The following TNPO1 variants were observed in gnomAD, a reference collection of about 807,000 sequenced individuals.
TNPO1 encodes transportin 1.
A neutral mutation model predicts 119.5 loss-of-function variants in TNPO1; 8 were observed. The observed-to-expected ratio is 0.07, with a 90% CI of 0.04 to 0.12. The LOEUF is 0.12. TNPO1 is among the 10% of genes least tolerant of loss of function. The pLI is 1.00. For synonymous variants in TNPO1, 362 were observed against 363.0 expected (o/e 1.00, Z 0.03); for missense variants, 576 against 1,089.8 (o/e 0.53, Z 6.64).
At chr5:72,897,765 T>G (rs1282137656) in intron 20 of TNPO1, among the ~76,000 whole-genome samples, 1 of 152,012 alleles carries the variant, frequency 6.6e-6, no homozygotes, top group East Asian at 1.9e-4. Flanking sequence ...CCTCCCTGAT[T>G]GCTGCTAACA....
chr5:72,906,560 G>C (rs1015936964), intron 24 of TNPO1, among the ~76,000 whole-genome samples: 1 of 152,036 alleles, frequency 6.6e-6, no homozygotes, highest in African/African-American at 2.4e-5. Context: ...AAAGTGCTGG[G>C]ATTTACAGGC....
intron 24 of TNPO1, 158 bp downstream of exon 24, chr5:72,905,603 T>G (rs1329941800): frequency 2.6e-6 from 1 of 385,760 alleles, no homozygotes; most frequent in East Asian, 4.3e-5. Context: ...AATTTAAAAT[T>G]ACTTAAGTGG....
chr5:72,882,395 G>A (rs1320566043), intron 9 of TNPO1, 72 bp from the exon 10 acceptor site: 2 of 1,152,004 alleles, frequency 1.7e-6, no homozygotes, highest in Non-Finnish European at 2.5e-6. Flanking sequence ...ATTAGTACAT[G>A]TAAGGTTAAG....
At chr5:72,858,915 AT>A (rs1746213967) in intron 4 of TNPO1, among the ~76,000 whole-genome samples, 1 of 144,474 alleles carries the variant, frequency 6.9e-6, no homozygotes, top group South Asian at 2.2e-4. Context: ...TTGATGAGTT[AT>A]TTAAACACAT....
At chr5:72,892,989 G>T in intron 15 of TNPO1, 150 bp from the exon 16 acceptor site, 1 of 537,728 alleles carries the variant, frequency 1.9e-6, no homozygotes, top group South Asian at 2.1e-5. Context: ...CAAAAGAGAG[G>T]GTTGGGGTGG....
chr5:72,858,474 GGTGGT>G (rs1453594393), intron 4 of TNPO1, among the ~76,000 whole-genome samples: 1 of 152,142 alleles, frequency 6.6e-6, no homozygotes, highest in Non-Finnish European at 1.5e-5. Context: ...TATTAGTGAA[GGTGGT>G]GGAAAGTATG....
intron 1 of TNPO1, 133 bp from the exon 2 acceptor site, chr5:72,848,252 G>A: frequency 7.7e-7 from 1 of 1,303,126 alleles, no homozygotes; most frequent in African/African-American, 1.5e-5. Flanking sequence ...CCTCAGGCAG[G>A]TCCGCGGCGT....
At position 72,877,159 on chromosome 5, in the gene TNPO1, A is replaced by G. The variant is rs539370003; in HGVS notation, c.802-69A>G. ...CCATAAGGTCAAAAGCTTGCTTGATAATAGGACTGAATTGATACTAATGGT... is the reference window on the plus strand; with the variant it reads ...CCATAAGGTCAAAAGCTTGCTTGATGATAGGACTGAATTGATACTAATGGT... On this transcript the variant is annotated intron_variant, in intron 8 of 24. Coordinates refer to ENST00000337273, the MANE Select transcript of TNPO1 (RefSeq NM_002270.4). 1.3e-5 allele frequency: 10 copies of G among 792,046 alleles called. No individual in the cohort carries two copies. The South Asian group carries it at 2.3e-4, about 18-fold the overall frequency. The allele number at this position is 792,046 out of a possible 1,614,324, so 49.1% of individuals were successfully genotyped here. A position where few individuals can be genotyped will look rare whatever the true frequency, so the allele number is the denominator to read the frequency against.
chr5:72,888,329 T>G, intron 13 of TNPO1, 26 bp downstream of exon 13: 2 of 1,592,192 alleles, frequency 1.3e-6, no homozygotes, highest in Non-Finnish European at 1.7e-6. Flanking sequence ...AACACAGTGT[T>G]CTTTGTGGCA....
intron 1 of TNPO1, among the ~76,000 whole-genome samples, chr5:72,823,422 C>T (rs982295366): frequency 6.6e-6 from 1 of 152,180 alleles, no homozygotes; most frequent in Non-Finnish European, 1.5e-5. Context: ...ACTCATTCCA[C>T]AGTGATACCC....
intron 3 of TNPO1, among the ~76,000 whole-genome samples, chr5:72,851,549 G>A (rs1745561348): frequency 1.3e-5 from 2 of 152,168 alleles, no homozygotes; most frequent in Non-Finnish European, 2.9e-5. Context: ...CTGGAGTGCA[G>A]TGGTGCGATC....
intron 20 of TNPO1, among the ~76,000 whole-genome samples, chr5:72,899,667 T>G (rs555457827): frequency 6.6e-6 from 1 of 152,306 alleles, no homozygotes; most frequent in South Asian, 2.1e-4. Flanking sequence ...ATTTGTCCAT[T>G]TAACTGCTCA....
intron 1 of TNPO1, among the ~76,000 whole-genome samples, chr5:72,825,382 T>C (rs1744157533): frequency 6.6e-6 from 1 of 152,100 alleles, no homozygotes; most frequent in Admixed American, 6.5e-5. Flanking sequence ...ATGAATAGGA[T>C]TGGTGCCCTT....
intron 4 of TNPO1, among the ~76,000 whole-genome samples, chr5:72,860,386 G>A (rs1746347303): frequency 6.6e-6 from 1 of 152,134 alleles, no homozygotes; most frequent in African/African-American, 2.4e-5. Flanking sequence ...TAATCACTAA[G>A]CATATTATAT....
intron 14 of TNPO1, 128 bp from the exon 15 acceptor site, chr5:72,891,682 A>T (rs962838554): frequency 3.0e-6 from 2 of 658,982 alleles, no homozygotes; most frequent in Non-Finnish European, 5.3e-6. Context: ...GTGAAGAATG[A>T]CTCTTAAAAT....
chr5:72,848,223 C>T, intron 1 of TNPO1, 162 bp from the exon 2 acceptor site: 2 of 1,254,402 alleles, frequency 1.6e-6, no homozygotes, highest in Non-Finnish European at 2.0e-6. Flanking sequence ...TTTCACTGTC[C>T]GTGACTTCCT....
chr5:72,852,889 T>G (rs1343964271), intron 3 of TNPO1, among the ~76,000 whole-genome samples: 1 of 152,242 alleles, frequency 6.6e-6, no homozygotes, highest in Non-Finnish European at 1.5e-5. Flanking sequence ...ATATTTGCGA[T>G]ACATTGCTTC....
chr5:72,902,032 G>A (rs541612927), intron 22 of TNPO1, among the ~76,000 whole-genome samples: 3 of 151,678 alleles, frequency 2.0e-5, no homozygotes, highest in South Asian at 2.1e-4. Flanking sequence ...CCGAGATCGC[G>A]CTATGGCACT....
chr5:72,884,658 A>AT (rs1748488656), intron 11 of TNPO1, among the ~76,000 whole-genome samples: 2 of 151,776 alleles, frequency 1.3e-5, no homozygotes, highest in Non-Finnish European at 2.9e-5. Flanking sequence ...CTGTGTTCTG[A>AT]TTTTGCTTGC....
Sources: allele counts gnomAD v4.1 joint callset (sites outside exome capture counted in the v4.1 genomes callset), GRCh38; gene constraint gnomAD v4.1.1; transcripts MANE v1.5; gene names NCBI Gene and HGNC (gene_info 2026-07-23, HGNC 2026-07-21).